Variants in REV3L observed in about 807,000 individuals in gnomAD.
The protein encoded by REV3L is DNA polymerase zeta catalytic subunit.
In REV3L, 69 loss-of-function variants were observed where a neutral mutation model predicts 299.4. That is an observed-to-expected ratio of 0.23 (90% CI 0.19 to 0.28). The LOEUF (loss-of-function observed/expected upper bound fraction) is 0.28, where lower values mean the gene tolerates loss of function less well. Among genes scored for constraint, REV3L ranks in the 10% least tolerant of loss-of-function variants. The pLI is 1.00. For synonymous variants in REV3L, 1,238 were observed against 1,271.4 expected, an observed-to-expected ratio of 0.97 and a Z score of 0.56; for missense variants, 3,128 against 3,693.8, an observed-to-expected ratio of 0.85 and a Z score of 3.97.
chr6:111,448,903 T>A (rs1047461852), intron 1 of REV3L, among the ~76,000 whole-genome samples: 3 of 150,252 alleles, frequency 2.0e-5, no homozygotes, highest in African/African-American at 7.3e-5. Flanking sequence ...CCTCAAGCAA[T>A]CTTCCTGCCC....
intron 1 of REV3L, among the ~76,000 whole-genome samples, chr6:111,445,220 G>C (rs1583019767): frequency 6.6e-6 from 1 of 152,250 alleles, no homozygotes; most frequent in Admixed American, 6.5e-5. Context: ...TAGACAGTGG[G>C]AACTACTAGA....
intron 21 of REV3L, among the ~76,000 whole-genome samples, chr6:111,343,229 TTAA>T (rs1335467810): frequency 6.6e-6 from 1 of 152,198 alleles, no homozygotes; most frequent in Non-Finnish European, 1.5e-5. Flanking sequence ...TGAATACTAT[TTAA>T]TAATAAGAAT....
intron 1 of REV3L, among the ~76,000 whole-genome samples, chr6:111,460,692 C>G (rs1188824223): frequency 6.6e-6 from 1 of 152,056 alleles, no homozygotes; most frequent in Non-Finnish European, 1.5e-5. Flanking sequence ...ACATGAACAA[C>G]AGTATAAACG....
chr6:111,427,082 T>C (rs1197736125), intron 1 of REV3L, among the ~76,000 whole-genome samples: 2 of 152,172 alleles, frequency 1.3e-5, no homozygotes, highest in African/African-American at 2.4e-5. Context: ...TGAAAATTCA[T>C]CTCAATTTAA....
At position 111,482,901 on chromosome 6, in the gene REV3L, C is replaced by T. The variant is rs760304326; in HGVS notation, c.-13G>A. 2.4e-5 allele frequency: 36 copies of T among 1,512,226 alleles called. No homozygotes were observed. Among genetic ancestry groups the T allele is most frequent in the Non-Finnish European group, 2.9e-5 (33 of 1,140,174 alleles). 93.7% of individuals were successfully genotyped at this position (1,512,226 alleles called of 1,614,324 possible). A position where few individuals can be genotyped will look rare whatever the true frequency, so the allele number is the denominator to read the frequency against. On this transcript the variant is annotated 5_prime_UTR_variant, in exon 1 of 32. Transcript: ENST00000368802. Reference sequence around the variant, plus strand: ...TTACTGAAAACATGTTCGCCGCCGCCGCCACTGCCTCCCTTCACTGGCGAC... The same window carrying T: ...TTACTGAAAACATGTTCGCCGCCGCTGCCACTGCCTCCCTTCACTGGCGAC...
Position 111,483,187 on chromosome 6 carries a change from T to G in REV3L, c.-299A>C, listed in dbSNP as rs2128352059. 1 of 484,540 alleles carries G rather than the reference T, an allele frequency of 2.1e-6. No individual in the cohort carries two copies. Among genetic ancestry groups the G allele is most frequent in the East Asian group, 3.5e-5 (1 of 28,326 alleles). The allele number at this position is 484,540 out of a possible 1,614,324, so 30.0% of individuals were successfully genotyped here. On this transcript the variant is annotated 5_prime_UTR_variant, in exon 1 of 32. Coordinates refer to ENST00000368802, the MANE Select transcript of REV3L (RefSeq NM_001372078.1). ...TCACACGGGCTCCTCGGTCCCAGGCTGCAGCTCTTGTTGCCATGATGATGA... is the reference window on the plus strand; with the variant it reads ...TCACACGGGCTCCTCGGTCCCAGGCGGCAGCTCTTGTTGCCATGATGATGA...
chr6:111,482,965 AGCGGCGG>A lies in REV3L; in HGVS notation c.-84_-78del. Reference sequence around the variant, plus strand: ...CAGCAGCGGCGGCGGCTCCCTCCGCAGCGGCGGCGGCGCCCCCTCCCCTTCTCGGCAC... The same window carrying A: ...CAGCAGCGGCGGCGGCTCCCTCCGCACGGCGCCCCCTCCCCTTCTCGGCAC... On this transcript the variant is annotated 5_prime_UTR_variant, in exon 1 of 32. Coordinates refer to ENST00000368802, the MANE Select transcript of REV3L (RefSeq NM_001372078.1). 1 of 1,419,078 alleles carries A rather than the reference AGCGGCGG, an allele frequency of 7.0e-7. No homozygotes were observed. Among genetic ancestry groups the A allele is most frequent in the South Asian group, 1.5e-5 (1 of 64,652 alleles). 87.9% of individuals were successfully genotyped at this position (1,419,078 alleles called of 1,614,324 possible).
rs1379563214 is a variant in REV3L, at chr6:111,308,262, T to C, written c.9043-692A>G. ...AATAAATCCCTTTGTAAAAAAGTTATTAGGTTAGCCTCTTACAAATGTCAT... is the reference window on the plus strand; with the variant it reads ...AATAAATCCCTTTGTAAAAAAGTTACTAGGTTAGCCTCTTACAAATGTCAT... On this transcript the variant is annotated intron_variant, in intron 30 of 31. Transcript: ENST00000368802. 4 of 453,980 alleles carry C rather than the reference T, an allele frequency of 8.8e-6. No homozygotes were observed. In the Admixed American group the frequency reaches 9.4e-5, roughly 11 times the overall value. The allele number at this position is 453,980 out of a possible 1,614,324, so 28.1% of individuals were successfully genotyped here. A position where few individuals can be genotyped will look rare whatever the true frequency, so the allele number is the denominator to read the frequency against.
intron 1 of REV3L, among the ~76,000 whole-genome samples, chr6:111,420,850 T>C (rs1458963359): frequency 6.6e-6 from 1 of 152,106 alleles, no homozygotes; most frequent in Non-Finnish European, 1.5e-5. Context: ...ATACTAAACA[T>C]TAAGTCCTTG....
At chr6:111,393,042 A>AT (rs909778519) in intron 4 of REV3L, 70 bp from the exon 5 acceptor site, 66,640 of 844,600 alleles carry the variant, frequency 0.079, no homozygotes, top group South Asian at 0.11. Context: ...TAGAAGGTAA[A>AT]TTTTTTTTTT....
chr6:111,387,990 T>C lies in REV3L; in HGVS notation c.947+11A>G. The C allele has an allele frequency of 6.2e-7, 1 of 1,609,434 alleles. No individual in the cohort carries two copies. The highest frequency in any genetic ancestry group is 8.5e-7 in the Non-Finnish European group (1 of 1,176,526). On this transcript the variant is annotated intron_variant, in intron 8 of 31. Coordinates refer to ENST00000368802, the MANE Select transcript of REV3L (RefSeq NM_001372078.1). The stretch of plus-strand genomic sequence containing the variant: ...AATTAGTTCTGAGATCTATAATAAA[T>C]AACCACTTACACAGAGAAATCATTC...
At position 111,421,161 on chromosome 6, in the gene REV3L, C is replaced by T. The variant is rs528617244; in HGVS notation, c.140-4689G>A. 1.6e-4 allele frequency among the ~76,000 whole-genome samples: 25 copies of T among 152,144 alleles called. No homozygotes were observed. In the East Asian group the frequency reaches 4.4e-3, roughly 27 times the overall value. The stretch of plus-strand genomic sequence containing the variant: ...CAAAAACAAAACAAAACATTAAGTC[C>T]TTTATATCCCAACATTTCTTATTGT... On this transcript the variant is annotated intron_variant, in intron 1 of 31. Transcript: ENST00000368802.
At chr6:111,447,721 T>C (rs1045139103) in intron 1 of REV3L, among the ~76,000 whole-genome samples, 6 of 152,078 alleles carry the variant, frequency 3.9e-5, no homozygotes, top group South Asian at 2.1e-4. Context: ...CTTAGAAAAA[T>C]AGGTGGCTGG....
At chr6:111,355,465 A>G (rs994646163) in intron 18 of REV3L, among the ~76,000 whole-genome samples, 15 of 152,162 alleles carry the variant, frequency 9.9e-5, no homozygotes, top group African/African-American at 2.9e-4. Context: ...CTTTTTGCAG[A>G]GTTGTTTGGA....
At position 111,299,412 on chromosome 6, in the gene REV3L, T is replaced by C. The variant is rs566486255; in HGVS notation, c.*604A>G. ...CAAGACAGCATTTTTTAAAAAAAAA[T>C]AATGTTTCAAAATGCTACACGTGGT... On this transcript the variant is annotated 3_prime_UTR_variant, in exon 32 of 32. Transcript: ENST00000368802. The C allele has an allele frequency of 6.6e-6, 1 of 152,386 alleles. No individual in the cohort carries two copies. The allele number at this position is 152,386 out of a possible 1,614,324, so 9.4% of individuals were successfully genotyped here. A position where few individuals can be genotyped will look rare whatever the true frequency, so the allele number is the denominator to read the frequency against.
chr6:111,464,344 C>T (rs1303192847), intron 1 of REV3L, among the ~76,000 whole-genome samples: 2 of 152,070 alleles, frequency 1.3e-5, no homozygotes, highest in Non-Finnish European at 2.9e-5. Flanking sequence ...GTGAACTTGC[C>T]ATACCCTACC....
intron 1 of REV3L, among the ~76,000 whole-genome samples, chr6:111,422,752 A>C (rs1383022814): frequency 6.8e-6 from 1 of 146,656 alleles, no homozygotes. Flanking sequence ...GGAAGAAAGA[A>C]TTTACCTACT....
chr6:111,404,514 A>G (rs1582864432), intron 4 of REV3L, among the ~76,000 whole-genome samples: 1 of 152,310 alleles, frequency 6.6e-6, no homozygotes, highest in East Asian at 1.9e-4. Context: ...TCATAAGGCT[A>G]TAGCTGTCAC....
At chr6:111,353,064 C>T (rs929649655) in intron 18 of REV3L, among the ~76,000 whole-genome samples, 3 of 152,126 alleles carry the variant, frequency 2.0e-5, no homozygotes, top group Non-Finnish European at 4.4e-5. Context: ...AAATTTAAAT[C>T]GTTGAGTTTT....
Sources: allele counts gnomAD v4.1 joint callset (sites outside exome capture counted in the v4.1 genomes callset), GRCh38; gene constraint gnomAD v4.1.1; transcripts MANE v1.5; gene names NCBI Gene and HGNC (gene_info 2026-07-23, HGNC 2026-07-21).